AKT3: variants seen among roughly 807,000 people sequenced by gnomAD.
AKT3 encodes RAC-gamma serine/threonine-protein kinase.
In AKT3, 15 loss-of-function variants were observed where a neutral mutation model predicts 65.3. That is an observed-to-expected ratio of 0.23 (90% CI 0.15 to 0.35). The LOEUF (loss-of-function observed/expected upper bound fraction) is 0.35, where lower values mean the gene tolerates loss of function less well. Among genes scored for constraint, AKT3 ranks in the 10% least tolerant of loss-of-function variants. The pLI is 1.00. For synonymous variants in AKT3, 206 were observed against 183.8 expected (o/e 1.12, Z -0.98); for missense variants, 243 against 576.5 (o/e 0.42, Z 5.92).
chr1:243,785,509 T>C (rs1182089000), intron 2 of AKT3, among the ~76,000 whole-genome samples: 2 of 152,204 alleles, frequency 1.3e-5, no homozygotes, highest in Non-Finnish European at 2.9e-5. Context: ...TTCACAACTA[T>C]TGGTGATGCT....
intron 2 of AKT3, among the ~76,000 whole-genome samples, chr1:243,726,421 T>C (rs1687213695): frequency 6.6e-6 from 1 of 152,216 alleles, no homozygotes; most frequent in African/African-American, 2.4e-5. Flanking sequence ...TTTACACCTA[T>C]AAAGTGAACT....
At chr1:243,684,153 G>A (rs1178501356) in intron 3 of AKT3, among the ~76,000 whole-genome samples, 2 of 151,462 alleles carry the variant, frequency 1.3e-5, no homozygotes, top group Non-Finnish European at 2.9e-5. Context: ...TTGTATAAAT[G>A]TTTTTTACTT....
Position 243,505,122 on chromosome 1 carries a change from G to T in AKT3, c.*127C>A, listed in dbSNP as rs985366925. The T allele has an allele frequency of 1.2e-5, 9 of 763,866 alleles. No individual in the cohort carries two copies. The highest frequency in any genetic ancestry group is 4.9e-5 in the Admixed American group (2 of 41,082). The allele number at this position is 763,866 out of a possible 1,614,324, so 47.3% of individuals were successfully genotyped here. The stretch of plus-strand genomic sequence containing the variant: ...AGGGTGAAAGGTGGCGAGGGGTGAG[G>T]ACCCTTGGCTGGTCTGGGATGTCGG... On this transcript the variant is annotated 3_prime_UTR_variant, in exon 14 of 14. Transcript: ENST00000673466.
chr1:243,828,442 C>A (rs1250939933), intron 2 of AKT3, among the ~76,000 whole-genome samples: 1 of 152,110 alleles, frequency 6.6e-6, no homozygotes, highest in Non-Finnish European at 1.5e-5. Context: ...ATAGGTACAG[C>A]TGACCCTTAA....
chr1:243,720,238 C>T (rs1686792013), intron 2 of AKT3, among the ~76,000 whole-genome samples: 1 of 151,964 alleles, frequency 6.6e-6, no homozygotes, highest in Non-Finnish European at 1.5e-5. Context: ...GGTGAGGGTG[C>T]AGTGAGCCAA....
At chr1:243,703,294 A>T (rs1254709211) in intron 2 of AKT3, among the ~76,000 whole-genome samples, 1 of 152,222 alleles carries the variant, frequency 6.6e-6, no homozygotes, top group African/African-American at 2.4e-5. Context: ...GTTGCTGAAG[A>T]AATGCATGAC....
At chr1:243,580,817 G>C (rs1172230833) in intron 8 of AKT3, among the ~76,000 whole-genome samples, 3 of 152,166 alleles carry the variant, frequency 2.0e-5, no homozygotes, top group Non-Finnish European at 2.9e-5. Flanking sequence ...CTGGCATCCA[G>C]AGTAACCATT....
chr1:243,615,403 T>C (rs988872645), intron 6 of AKT3, among the ~76,000 whole-genome samples: 2 of 152,160 alleles, frequency 1.3e-5, no homozygotes, highest in African/African-American at 4.8e-5. Flanking sequence ...AATCAAAGTA[T>C]ATCAATAATG....
At chr1:243,569,017 G>C (rs1047240097) in intron 9 of AKT3, among the ~76,000 whole-genome samples, 1 of 152,198 alleles carries the variant, frequency 6.6e-6, no homozygotes, top group East Asian at 1.9e-4. Flanking sequence ...GACTACTGCA[G>C]CAATAGAAAT....
chr1:243,681,966 C>A lies in AKT3; in HGVS notation c.172+13625G>T, dbSNP rs537998333. ...CTTCCTTAATTGCCCTCCTAATTTCCGATGTATTAATTATAAAATGAGATT... is the reference window on the plus strand; with the variant it reads ...CTTCCTTAATTGCCCTCCTAATTTCAGATGTATTAATTATAAAATGAGATT... On this transcript the variant is annotated intron_variant, in intron 3 of 13. Coordinates refer to ENST00000673466, the MANE Select transcript of AKT3 (RefSeq NM_005465.7). 2.6e-5 allele frequency among the ~76,000 whole-genome samples: 4 copies of A among 151,882 alleles called. No individual in the cohort carries two copies. The South Asian group carries it at 8.3e-4, about 31-fold the overall frequency.
chr1:243,521,154 C>T (rs539860443), intron 12 of AKT3, among the ~76,000 whole-genome samples: 22 of 152,312 alleles, frequency 1.4e-4, no homozygotes, highest in Middle Eastern at 3.4e-3. Context: ...TCTGGGACAG[C>T]TGATGTGGAC....
intron 2 of AKT3, among the ~76,000 whole-genome samples, chr1:243,818,487 T>G (rs1003900991): frequency 2.0e-5 from 3 of 152,068 alleles, no homozygotes; most frequent in African/African-American, 7.2e-5. Context: ...ACAAACATGC[T>G]CATTTACAAG....
chr1:243,842,540 T>G (rs762229091), intron 2 of AKT3, among the ~76,000 whole-genome samples: 5 of 152,182 alleles, frequency 3.3e-5, no homozygotes, highest in Non-Finnish European at 7.3e-5. Flanking sequence ...GTGAACAAGG[T>G]GTATTAAACC....
At chr1:243,600,918 T>G (rs1382157776) in intron 8 of AKT3, among the ~76,000 whole-genome samples, 1 of 152,142 alleles carries the variant, frequency 6.6e-6, no homozygotes, top group African/African-American at 2.4e-5. Context: ...ATCAGTGGTT[T>G]TCAGGGTGAG....
intron 4 of AKT3, among the ~76,000 whole-genome samples, chr1:243,656,566 T>C (rs1681810452): frequency 6.6e-6 from 1 of 152,176 alleles, no homozygotes; most frequent in South Asian, 2.1e-4. Context: ...GAAAAATGAA[T>C]TGGTACTTAC....
At position 243,721,769 on chromosome 1, in the gene AKT3, T is replaced by G. The variant is rs757746099; in HGVS notation, c.47-26053A>C. Among the ~76,000 whole-genome samples, 52 of 152,234 alleles carry G rather than the reference T, an allele frequency of 3.4e-4. 1 individual carries two copies. Among genetic ancestry groups the G allele is most frequent in the South Asian group, 3.3e-3 (16 of 4,830 alleles). ...CTTTTAGAAGGTATCAAAATATTTG[T>G]AGAATTAAAAGAATGCCACTGCTAA... On this transcript the variant is annotated intron_variant, in intron 2 of 13. Transcript: ENST00000673466.
At chr1:243,767,008 T>G (rs905478324) in intron 2 of AKT3, among the ~76,000 whole-genome samples, 9 of 152,126 alleles carry the variant, frequency 5.9e-5, no homozygotes, top group African/African-American at 1.7e-4. Flanking sequence ...ACTACAACAC[T>G]AAAGAGAAGT....
chr1:243,584,377 T>C (rs975076412), intron 8 of AKT3, among the ~76,000 whole-genome samples: 2 of 152,134 alleles, frequency 1.3e-5, no homozygotes, highest in Admixed American at 1.3e-4. Context: ...TTGAATTCTA[T>C]GTAAGGTACA....
chr1:243,539,960 C>T (rs1672199475), intron 12 of AKT3, among the ~76,000 whole-genome samples: 1 of 152,118 alleles, frequency 6.6e-6, no homozygotes, highest in Non-Finnish European at 1.5e-5. Context: ...AACTTACCAA[C>T]AAAGACAAAA....
Sources: allele counts gnomAD v4.1 joint callset (sites outside exome capture counted in the v4.1 genomes callset), GRCh38; gene constraint gnomAD v4.1.1; transcripts MANE v1.5; gene names NCBI Gene and HGNC (gene_info 2026-07-23, HGNC 2026-07-21).